GRIK1: variants seen among roughly 807,000 people sequenced by gnomAD.
GRIK1 encodes the protein glutamate receptor ionotropic, kainate 1.
In GRIK1, 69 loss-of-function variants were observed where a neutral mutation model predicts 105.7. The observed-to-expected ratio is 0.65, with a 90% confidence interval of 0.54 to 0.80. The LOEUF (loss-of-function observed/expected upper bound fraction) is 0.80. Ranked by LOEUF, GRIK1 falls within the 30% of genes least tolerant of loss-of-function variation. The pLI is 0.00. For synonymous variants in GRIK1, 438 were observed against 431.3 expected, an observed-to-expected ratio of 1.02 and a Z score of -0.19; for missense variants, 1,109 against 1,167.3, an observed-to-expected ratio of 0.95 and a Z score of 0.73.
At chr21:29,866,325 C>CAA (rs1373241522) in intron 1 of GRIK1, among the ~76,000 whole-genome samples, 1 of 152,124 alleles carries the variant, frequency 6.6e-6, no homozygotes, top group Non-Finnish European at 1.5e-5. Context: ...CTCAGCCTCC[C>CAA]AAAGTGCTGA....
intron 1 of GRIK1, among the ~76,000 whole-genome samples, chr21:29,886,797 C>T (rs1231555903): frequency 1.3e-5 from 2 of 152,052 alleles, no homozygotes; most frequent in Admixed American, 6.6e-5. Context: ...AACATAAATC[C>T]TGGTAGGTGC....
intron 7 of GRIK1, among the ~76,000 whole-genome samples, chr21:29,599,146 T>C (rs2061471486): frequency 6.6e-6 from 1 of 152,216 alleles, no homozygotes; most frequent in Admixed American, 6.5e-5. Context: ...TCTAACATCC[T>C]AACCCAGTCA....
At chr21:29,603,544 T>C (rs1338615179) in intron 7 of GRIK1, among the ~76,000 whole-genome samples, 1 of 152,298 alleles carries the variant, frequency 6.6e-6, no homozygotes, top group East Asian at 1.9e-4. Context: ...TGAATACAAG[T>C]AGGAGGTGTC....
chr21:29,859,105 C>T (rs984578854), intron 1 of GRIK1, among the ~76,000 whole-genome samples: 7 of 151,040 alleles, frequency 4.6e-5, no homozygotes, highest in South Asian at 2.1e-4. Flanking sequence ...AGCAAACTAT[C>T]GCAAGGACGA....
At chr21:29,543,690 T>C (rs1332697832) in intron 16 of GRIK1, among the ~76,000 whole-genome samples, 1 of 152,196 alleles carries the variant, frequency 6.6e-6, no homozygotes, top group Non-Finnish European at 1.5e-5. Context: ...TGAGAGCTAA[T>C]GAGAAAGCTG....
intron 1 of GRIK1, among the ~76,000 whole-genome samples, chr21:29,899,992 T>C (rs1182423735): frequency 6.6e-6 from 1 of 150,804 alleles, no homozygotes; most frequent in Non-Finnish European, 1.5e-5. Context: ...AGAAAACACA[T>C]GATAAATACA....
chr21:29,684,275 TATCTATCTATCTATCTATCTATC>T (rs2063439544), intron 3 of GRIK1, among the ~76,000 whole-genome samples: 1 of 152,060 alleles, frequency 6.6e-6, no homozygotes, highest in African/African-American at 2.4e-5. Flanking sequence ...TCTATCTATC[TATCTATCTATCTATCTATCTATC>T]ATCTATCTAC....
chr21:29,555,055 T>A lies in GRIK1; in HGVS notation c.2604A>T (p.Glu868Asp), dbSNP rs1290764578. Residue 868 changes from glutamate (E) to aspartate (D), a missense_variant, in exon 16 of 18, where the codon GAA becomes GAT. By Grantham distance (45) the Glu-to-Asp change is conservative. Transcript: ENST00000327783. ...IYKSRKNNDI[E>D]QKGKSSRIRF... ...GTCCTAGAAAGAGATGACTCACCTG[T>A]TCAATATCATTATTCTTCCGTGATT... 6.2e-7 allele frequency: 1 copy of A among 1,608,476 alleles called. No homozygotes were observed. Among genetic ancestry groups the A allele is most frequent in the African/African-American group, 1.3e-5 (1 of 74,766 alleles).
chr21:29,562,437 A>G (rs1481627874), intron 14 of GRIK1, among the ~76,000 whole-genome samples: 2 of 152,158 alleles, frequency 1.3e-5, no homozygotes, highest in African/African-American at 4.8e-5. Context: ...GGCAGATCAC[A>G]TAAAGGTTAG....
intron 1 of GRIK1, among the ~76,000 whole-genome samples, chr21:29,860,988 A>G (rs933828998): frequency 6.6e-6 from 1 of 151,982 alleles, no homozygotes; most frequent in Non-Finnish European, 1.5e-5. Flanking sequence ...TATAAAATTC[A>G]TTTCATCTGG....
intron 16 of GRIK1, chr21:29,553,397 C>T: frequency 7.6e-7 from 1 of 1,308,192 alleles, no homozygotes; most frequent in Non-Finnish European, 9.7e-7. Context: ...AAGTATCTTT[C>T]CAGTGTATTC....
intron 1 of GRIK1, among the ~76,000 whole-genome samples, chr21:29,934,545 C>CTTTTAGTTAT (rs2071682557): frequency 6.6e-6 from 1 of 152,082 alleles, no homozygotes; most frequent in African/African-American, 2.4e-5. Context: ...TGAACTCTTG[C>CTTTTAGTTAT]TTTTAGTTAT....
At chr21:29,712,123 C>T (rs113240541) in intron 1 of GRIK1, among the ~76,000 whole-genome samples, 2,161 of 147,088 alleles carry the variant, frequency 0.015, 68 homozygotes, top group African/African-American at 0.051. Context: ...CACACACACA[C>T]ATATATATAG....
chr21:29,935,476 T>A (rs1449193661), intron 1 of GRIK1, among the ~76,000 whole-genome samples: 2 of 152,124 alleles, frequency 1.3e-5, no homozygotes, highest in Admixed American at 1.3e-4. Context: ...TGCCTAAAAA[T>A]AAAGTCATGG....
chr21:29,553,677 A>G (rs756954403), intron 16 of GRIK1: 1 of 1,598,480 alleles, frequency 6.3e-7, no homozygotes, highest in Non-Finnish European at 8.5e-7. Context: ...GTTTGCTTAC[A>G]TTGCAGTCCA....
At chr21:29,725,589 G>A (rs773136785) in intron 1 of GRIK1, among the ~76,000 whole-genome samples, 1 of 152,174 alleles carries the variant, frequency 6.6e-6, no homozygotes, top group African/African-American at 2.4e-5. Context: ...CATACGACCA[G>A]GTGTAGCCAT....
At chr21:29,937,775 GTTAC>G (rs2071817693) in intron 1 of GRIK1, among the ~76,000 whole-genome samples, 2 of 145,818 alleles carry the variant, frequency 1.4e-5, no homozygotes, top group East Asian at 4.2e-4. Flanking sequence ...ACGCTCATTA[GTTAC>G]TTTGTATTGT....
intron 1 of GRIK1, among the ~76,000 whole-genome samples, chr21:29,723,603 A>G (rs2064379200): frequency 6.6e-6 from 1 of 152,218 alleles, no homozygotes; most frequent in Admixed American, 6.5e-5. Context: ...CTTCCAGTTG[A>G]TTCATATCAG....
intron 6 of GRIK1, among the ~76,000 whole-genome samples, chr21:29,647,070 T>C (rs998670800): frequency 6.6e-6 from 1 of 152,226 alleles, no homozygotes; most frequent in Non-Finnish European, 1.5e-5. Context: ...GGTCTCGAAC[T>C]CCTGACCTTG....
Sources: allele counts gnomAD v4.1 joint callset (sites outside exome capture counted in the v4.1 genomes callset), GRCh38; gene constraint gnomAD v4.1.1; transcripts MANE v1.5; gene names NCBI Gene and HGNC (gene_info 2026-07-23, HGNC 2026-07-21).